The following TADA2A variants were observed in gnomAD, a reference collection of about 807,000 sequenced individuals.
The protein encoded by TADA2A is transcriptional adaptor 2A, also known as transcriptional adapter 2-alpha.
A neutral mutation model predicts 67.4 loss-of-function variants in TADA2A; 38 were observed. The observed-to-expected ratio is 0.56, with a 90% confidence interval of 0.44 to 0.74. The LOEUF (loss-of-function observed/expected upper bound fraction) is 0.74. Among genes scored for constraint, TADA2A ranks in the 30% least tolerant of loss-of-function variants. TADA2A has a pLI of 0.00. For missense variants in TADA2A, 454 were observed against 547.0 expected (o/e 0.83, Z 1.70); for synonymous variants, 192 against 181.6 (o/e 1.06, Z -0.46).
At chr17:37,407,782 T>C (rs2051654222) in intron 1 of TADA2A, among the ~76,000 whole-genome samples, 1 of 152,106 alleles carries the variant, frequency 6.6e-6, no homozygotes, top group African/African-American at 2.4e-5. Context: ...AGAGGTGGGG[T>C]TTCACCATGT....
chr17:37,421,600 CAT>C (rs2147920977), intron 2 of TADA2A, among the ~76,000 whole-genome samples: 1 of 146,334 alleles, frequency 6.8e-6, no homozygotes, highest in East Asian at 2.2e-4. Context: ...GCCTAGGCAA[CAT>C]AGTGAAACTC....
At chr17:37,453,085 A>G (rs764835443) in intron 8 of TADA2A, among the ~76,000 whole-genome samples, 2 of 152,192 alleles carry the variant, frequency 1.3e-5, no homozygotes, top group South Asian at 2.1e-4. Flanking sequence ...AGTTACATAC[A>G]TATATATAGG....
intron 4 of TADA2A, among the ~76,000 whole-genome samples, chr17:37,431,634 G>T (rs375799612): frequency 7.9e-5 from 12 of 151,266 alleles, no homozygotes; most frequent in African/African-American, 2.4e-4. Context: ...GAGTCCAGTG[G>T]GTTGATTTCG....
rs144114171 is a variant in TADA2A, at chr17:37,444,801, C to T, written c.604+33C>T. ...TTTATTTTGTCAAATGTTTATCGAG[C>T]GCCAACTGTGTGATGACACTGTCTT... On this transcript the variant is annotated intron_variant, in intron 8 of 15. Coordinates refer to ENST00000615182, the MANE Select transcript of TADA2A (RefSeq NM_001166105.3). The T allele has an allele frequency of 6.2e-5, 98 of 1,588,064 alleles. 1 individual carries two copies. The African/African-American group carries it at 1.1e-3, about 18-fold the overall frequency.
intron 14 of TADA2A, 71 bp downstream of exon 14, chr17:37,471,208 A>C: frequency 6.7e-7 from 1 of 1,496,800 alleles, no homozygotes; most frequent in Non-Finnish European, 9.2e-7. Flanking sequence ...GTGACCCAGC[A>C]ATCTTCCTTC....
At chr17:37,451,755 G>A (rs552249041) in intron 8 of TADA2A, among the ~76,000 whole-genome samples, 10 of 152,038 alleles carry the variant, frequency 6.6e-5, no homozygotes, top group Admixed American at 4.6e-4. Flanking sequence ...AGGCCGAGAC[G>A]GGCAGATCAC....
chr17:37,458,971 C>CT (rs1312942994), intron 9 of TADA2A, among the ~76,000 whole-genome samples: 1 of 152,106 alleles, frequency 6.6e-6, no homozygotes, highest in Non-Finnish European at 1.5e-5. Flanking sequence ...GCCACTGTGC[C>CT]TGGCCTCAGC....
chr17:37,429,948 G>A (rs1308818358), intron 4 of TADA2A, among the ~76,000 whole-genome samples: 1 of 152,174 alleles, frequency 6.6e-6, no homozygotes, highest in African/African-American at 2.4e-5. Flanking sequence ...TTTCACCAAG[G>A]TTATCAGGTC....
intron 1 of TADA2A, chr17:37,407,936 G>C (rs1447154877): frequency 2.0e-5 from 3 of 151,624 alleles, no homozygotes; most frequent in African/African-American, 7.3e-5. Flanking sequence ...GCCCAGGCTG[G>C]AGTGCAATGG....
chr17:37,429,368 A>G (rs187737739), intron 4 of TADA2A, among the ~76,000 whole-genome samples: 89 of 152,180 alleles, frequency 5.8e-4, no homozygotes, highest in Non-Finnish European at 1.1e-3. Flanking sequence ...TCCCAGCAGT[A>G]CCTCGCTAGT....
At chr17:37,431,049 C>G (rs897233876) in intron 4 of TADA2A, among the ~76,000 whole-genome samples, 1 of 150,332 alleles carries the variant, frequency 6.7e-6, no homozygotes, top group Non-Finnish European at 1.5e-5. Flanking sequence ...CAAATCATGA[C>G]TTTTTTTTTG....
At chr17:37,454,915 TC>T in intron 8 of TADA2A, 1 of 216,804 alleles carries the variant, frequency 4.6e-6, no homozygotes. Flanking sequence ...AAGTGTCAGC[TC>T]CCCGAGGTGG....
At chr17:37,429,437 A>G (rs1338297688) in intron 4 of TADA2A, among the ~76,000 whole-genome samples, 3 of 151,680 alleles carry the variant, frequency 2.0e-5, no homozygotes, top group African/African-American at 4.8e-5. Context: ...CTTTATTTTT[A>G]TTTTATTTAT....
chr17:37,463,013 C>A (rs956691139), intron 10 of TADA2A, among the ~76,000 whole-genome samples: 1 of 151,988 alleles, frequency 6.6e-6, no homozygotes, highest in African/African-American at 2.4e-5. Context: ...TGCACTGTTG[C>A]CCAGGATGGA....
intron 14 of TADA2A, among the ~76,000 whole-genome samples, chr17:37,474,267 C>T (rs527702526): frequency 6.6e-6 from 1 of 152,102 alleles, no homozygotes; most frequent in Non-Finnish European, 1.5e-5. Context: ...TAAGAGATAA[C>T]TACTGTGGTG....
In TADA2A at chr17:37,419,603, A is replaced by AC. The variant is rs1000279904; in HGVS notation, c.26-3899dup. ...AGACCAGCCTGGGCAACATGGGAAAACCCCCCCTCTACTAAAAGTACAAAA... is the reference window on the plus strand; with the variant it reads ...AGACCAGCCTGGGCAACATGGGAAAACCCCCCCCTCTACTAAAAGTACAAAA... On this transcript the variant is annotated intron_variant, in intron 2 of 15. Coordinates refer to ENST00000615182, the MANE Select transcript of TADA2A (RefSeq NM_001166105.3). Among the ~76,000 whole-genome samples, 15 of 144,396 alleles carry AC rather than the reference A, an allele frequency of 1.0e-4. 1 individual carries two copies. The highest frequency in any genetic ancestry group is 6.8e-4 in the South Asian group (3 of 4,408). 94.7% of individuals were successfully genotyped at this position (144,396 alleles called of 152,430 possible). A position where few individuals can be genotyped will look rare whatever the true frequency, so the allele number is the denominator to read the frequency against.
intron 5 of TADA2A, among the ~76,000 whole-genome samples, chr17:37,439,945 A>ATT (rs3987837): frequency 2.1e-5 from 2 of 94,922 alleles, no homozygotes; most frequent in Non-Finnish European, 4.1e-5. Context: ...TTTATTTATT[A>ATT]TTTTTTTTTT....
intron 10 of TADA2A, among the ~76,000 whole-genome samples, chr17:37,464,358 C>T (rs573510285): frequency 6.6e-6 from 1 of 152,146 alleles, no homozygotes; most frequent in African/African-American, 2.4e-5. Context: ...GTGGGACATG[C>T]AAGAAATCAC....
chr17:37,413,512 T>C (rs1209258038), intron 2 of TADA2A, among the ~76,000 whole-genome samples: 1 of 152,088 alleles, frequency 6.6e-6, no homozygotes, highest in Admixed American at 6.6e-5. Context: ...ACTGTCTGTC[T>C]CTGTGTGTGT....
Sources: gnomAD v4.1 joint callset for allele counts (sites outside exome capture counted in the v4.1 genomes callset) on GRCh38, gnomAD v4.1.1 for gene constraint, MANE v1.5 for transcripts, NCBI Gene and HGNC (gene_info 2026-07-23, HGNC 2026-07-21) for gene names.